HHAT: variants seen among roughly 807,000 people sequenced by gnomAD.
HHAT encodes protein-cysteine N-palmitoyltransferase HHAT.
A neutral mutation model predicts 70.8 loss-of-function variants in HHAT; 47 were observed. The ratio of observed to expected loss-of-function variants is 0.66; its 90% CI spans 0.53 to 0.85. The LOEUF (loss-of-function observed/expected upper bound fraction) is 0.85, where lower values mean the gene tolerates loss of function less well. HHAT is among the 40% of genes least tolerant of loss of function. The pLI, the probability that HHAT is intolerant of heterozygous loss-of-function variation, is 0.00. For missense variants in HHAT, 609 were observed against 604.8 expected, an observed-to-expected ratio of 1.01 and a Z score of -0.07; for synonymous variants, 228 against 247.6, an observed-to-expected ratio of 0.92 and a Z score of 0.74.
At chr1:210,542,464 T>C (rs1487779020) in intron 9 of HHAT, among the ~76,000 whole-genome samples, 3 of 150,774 alleles carry the variant, frequency 2.0e-5, no homozygotes, top group Non-Finnish European at 4.4e-5. Context: ...TTTGGACAGT[T>C]TTTGCCGCAT....
At position 210,464,663 on chromosome 1, in the gene HHAT, G is replaced by T. The variant is rs371539891; in HGVS notation, c.1007+8G>T. On this transcript the variant is annotated splice_region_variant and intron_variant, in intron 8 of 11. Transcript: ENST00000261458. ...TTTCACCGGGATGTGGAGGTCAGGC[G>T]CTGGGATTGCTAAAGTTGGTCAGGC... 3.1e-6 allele frequency: 5 copies of T among 1,613,980 alleles called. No homozygotes were observed. Among genetic ancestry groups the T allele is most frequent in the East Asian group, 2.2e-5 (1 of 44,864 alleles).
At chr1:210,567,047 C>A (rs753815844) in intron 9 of HHAT, among the ~76,000 whole-genome samples, 1 of 152,226 alleles carries the variant, frequency 6.6e-6, no homozygotes, top group Non-Finnish European at 1.5e-5. Context: ...TCCTGCACAT[C>A]TCTGTCTCTG....
At chr1:210,617,836 T>C (rs1245805633) in intron 10 of HHAT, among the ~76,000 whole-genome samples, 1 of 152,230 alleles carries the variant, frequency 6.6e-6, no homozygotes, top group Non-Finnish European at 1.5e-5. Context: ...TGATGTTGTT[T>C]GAAGCTCTGT....
intron 1 of HHAT, among the ~76,000 whole-genome samples, chr1:210,345,034 A>C (rs1484786994): frequency 6.6e-6 from 1 of 152,154 alleles, no homozygotes; most frequent in Non-Finnish European, 1.5e-5. Context: ...AAGAGTCTAG[A>C]CCGTCTTCCC....
intron 9 of HHAT, among the ~76,000 whole-genome samples, chr1:210,560,839 A>C (rs1379902754): frequency 2.1e-5 from 3 of 143,126 alleles, no homozygotes; most frequent in East Asian, 2.4e-4. Context: ...AAAAAAAAAA[A>C]AAAAAAAAAA....
rs569125868 is a variant in HHAT at position 210,609,125 on chromosome 1, G to A, written c.1246-14401G>A. Among the ~76,000 whole-genome samples the A allele has an allele frequency of 2.7e-5, 4 of 150,388 alleles. No homozygotes were observed. The South Asian group carries it at 8.4e-4, about 32-fold the overall frequency. ...TTATGGGGATTACAATTCAAGATGA[G>A]ATTTGTGTGGGGACACAAAGCCTAA... On this transcript the variant is annotated intron_variant, in intron 10 of 11. Coordinates refer to ENST00000261458, the MANE Select transcript of HHAT (RefSeq NM_018194.6).
At chr1:210,447,770 C>T (rs932341442) in intron 7 of HHAT, among the ~76,000 whole-genome samples, 2 of 152,190 alleles carry the variant, frequency 1.3e-5, no homozygotes, top group African/African-American at 2.4e-5. Context: ...CATAATTTGA[C>T]TTCTTATGTG....
chr1:210,399,258 A>C (rs938700305), intron 4 of HHAT, among the ~76,000 whole-genome samples: 1 of 152,002 alleles, frequency 6.6e-6, no homozygotes, highest in African/African-American at 2.4e-5. Flanking sequence ...TTATTATTCC[A>C]GTTTTGTTTT....
At chr1:210,418,117 A>G (rs763153983) in intron 6 of HHAT, 37 bp from the exon 7 acceptor site, 7 of 1,603,794 alleles carry the variant, frequency 4.4e-6, no homozygotes, top group Non-Finnish European at 6.0e-6. Context: ...TTAGGAATCA[A>G]GGCACCATCG....
At chr1:210,604,578 C>CT (rs1664999257) in intron 10 of HHAT, among the ~76,000 whole-genome samples, 1 of 152,088 alleles carries the variant, frequency 6.6e-6, no homozygotes, top group South Asian at 2.1e-4. Context: ...TACATAGTCT[C>CT]TTATTTTTGC....
chr1:210,483,366 T>C (rs2094427496), intron 8 of HHAT, among the ~76,000 whole-genome samples: 1 of 152,204 alleles, frequency 6.6e-6, no homozygotes, highest in Admixed American at 6.5e-5. Flanking sequence ...GAGAGAACAC[T>C]TCTCTGAGCC....
At chr1:210,552,773 C>A (rs1291641006) in intron 9 of HHAT, among the ~76,000 whole-genome samples, 3 of 152,212 alleles carry the variant, frequency 2.0e-5, no homozygotes, top group Admixed American at 6.5e-5. Context: ...GCCAGGAGAG[C>A]AAATGGGGCT....
chr1:210,654,993 C>T (rs1402921875), intron 11 of HHAT, among the ~76,000 whole-genome samples: 1 of 152,128 alleles, frequency 6.6e-6, no homozygotes, highest in Admixed American at 6.5e-5. Flanking sequence ...CAGAGAAAGC[C>T]CATTGAAGGA....
chr1:210,648,721 C>T (rs897854288), intron 11 of HHAT, among the ~76,000 whole-genome samples: 2 of 152,178 alleles, frequency 1.3e-5, no homozygotes, highest in Non-Finnish European at 2.9e-5. Flanking sequence ...CTGTTTTCCC[C>T]CAGGTGAAGA....
chr1:210,464,369 T>G, intron 7 of HHAT, 136 bp from the exon 8 acceptor site: 1 of 817,744 alleles, frequency 1.2e-6, no homozygotes. Flanking sequence ...AATACTTTTG[T>G]GAAATGTGCG....
intron 11 of HHAT, among the ~76,000 whole-genome samples, chr1:210,634,324 C>A (rs1185647223): frequency 3.9e-5 from 6 of 152,156 alleles, no homozygotes; most frequent in Non-Finnish European, 7.3e-5. Flanking sequence ...CTGGGTAAAC[C>A]TGATTTCCGT....
At chr1:210,432,260 A>G (rs999768215) in intron 7 of HHAT, among the ~76,000 whole-genome samples, 7 of 151,832 alleles carry the variant, frequency 4.6e-5, no homozygotes, top group Non-Finnish European at 1.0e-4. Flanking sequence ...GAATGAGAAT[A>G]AAGGAGGGCC....
intron 11 of HHAT, among the ~76,000 whole-genome samples, chr1:210,665,840 G>T (rs751239295): frequency 1.1e-4 from 17 of 152,178 alleles, no homozygotes; most frequent in Admixed American, 6.5e-5. Flanking sequence ...CTAGCTGGGT[G>T]CTCTATGACA....
chr1:210,391,754 G>T (rs2091473295), intron 4 of HHAT, among the ~76,000 whole-genome samples: 1 of 152,196 alleles, frequency 6.6e-6, no homozygotes, highest in African/African-American at 2.4e-5. Context: ...ATCAGTGTTA[G>T]CTGCCTGAAC....
Sources: gnomAD v4.1 joint callset for allele counts (sites outside exome capture counted in the v4.1 genomes callset) on GRCh38, gnomAD v4.1.1 for gene constraint, MANE v1.5 for transcripts, NCBI Gene and HGNC (gene_info 2026-07-23, HGNC 2026-07-21) for gene names.